Variants in POLQ observed in about 807,000 individuals in gnomAD.
POLQ encodes the protein DNA polymerase theta.
A neutral mutation model predicts 259.2 loss-of-function variants in POLQ; 233 were observed. That is an observed-to-expected ratio of 0.90 (90% CI 0.81 to 1.00). POLQ has a LOEUF of 1.00. Ranked by LOEUF, POLQ falls within the 50% of genes least tolerant of loss-of-function variation. The pLI is 0.00. For synonymous variants in POLQ, 1,025 were observed against 1,048.8 expected (o/e 0.98, Z 0.44); for missense variants, 2,871 against 3,051.6 (o/e 0.94, Z 1.39).
chr3:121,485,017 CT>C, intron 17 of POLQ, 23 bp downstream of exon 17: 1 of 1,572,334 alleles, frequency 6.4e-7, no homozygotes, highest in Non-Finnish European at 8.6e-7. Context: ...TACATAGTGA[CT>C]TAGCCAAATA....
rs778348079 is a variant in POLQ at position 121,436,119 on chromosome 3, A to C, written c.7543+3T>G. 72 of 1,612,118 alleles carry C rather than the reference A, an allele frequency of 4.5e-5. No homozygotes were observed. The highest frequency in any genetic ancestry group is 5.9e-5 in the Non-Finnish European group (70 of 1,178,226). ...ACAGCACAGGCCTCATCTATGAACA[A>C]ACCTGTTTGGTCACTTTGGAGCATA... is the stretch of plus-strand genomic sequence containing the variant. On this transcript the variant is annotated splice_donor_region_variant and intron_variant, in intron 28 of 29. Coordinates refer to ENST00000264233, the MANE Select transcript of POLQ (RefSeq NM_199420.4).
At chr3:121,473,899 G>C (rs995633533) in intron 20 of POLQ, among the ~76,000 whole-genome samples, 5 of 151,830 alleles carry the variant, frequency 3.3e-5, no homozygotes, top group African/African-American at 4.8e-5. Flanking sequence ...CCTAATTTTT[G>C]TATCTTTGGT....
chr3:121,532,930 C>T lies in POLQ; in HGVS notation c.960+60G>A, dbSNP rs547751621. The T allele has an allele frequency of 1.1e-3, 1,224 of 1,071,448 alleles. 2 individuals carry two copies. Among genetic ancestry groups the T allele is most frequent in the Non-Finnish European group, 1.6e-3 (1,159 of 726,866 alleles). The allele number at this position is 1,071,448 out of a possible 1,614,324, so 66.4% of individuals were successfully genotyped here. A position where few individuals can be genotyped will look rare whatever the true frequency, so the allele number is the denominator to read the frequency against. ...TCATTCAGAATTTGTTAGCAATTTG[C>T]TAGAAAATGAAATCAAACACACAGA... On this transcript the variant is annotated intron_variant, in intron 6 of 29. Coordinates refer to ENST00000264233, the MANE Select transcript of POLQ (RefSeq NM_199420.4).
intron 23 of POLQ, among the ~76,000 whole-genome samples, chr3:121,467,963 G>T (rs2047852329): frequency 6.6e-6 from 1 of 152,166 alleles, no homozygotes; most frequent in African/African-American, 2.4e-5. Flanking sequence ...AGCCCAGGAG[G>T]TGGAGGTTGC....
intron 25 of POLQ, among the ~76,000 whole-genome samples, chr3:121,450,327 AC>A (rs1199586779): frequency 6.6e-6 from 1 of 151,194 alleles, no homozygotes; most frequent in Non-Finnish European, 1.5e-5. Context: ...GTCTACCCCC[AC>A]CCCCAAGTTT....
At chr3:121,526,271 G>T (rs1162278726) in intron 7 of POLQ, among the ~76,000 whole-genome samples, 1 of 152,164 alleles carries the variant, frequency 6.6e-6, no homozygotes, top group Non-Finnish European at 1.5e-5. Context: ...TCGATGAAAC[G>T]AATCCAGAGA....
chr3:121,545,610 A>G (rs1030335199), intron 1 of POLQ, 105 bp downstream of exon 1: 2 of 1,095,944 alleles, frequency 1.8e-6, no homozygotes, highest in Non-Finnish European at 1.3e-6. Context: ...TAGAAGCCCA[A>G]TGGGGTATGC....
intron 7 of POLQ, among the ~76,000 whole-genome samples, chr3:121,525,411 A>G (rs2048366270): frequency 6.6e-6 from 1 of 152,092 alleles, no homozygotes; most frequent in Non-Finnish European, 1.5e-5. Context: ...GATCATCATA[A>G]AAGTCTCCAT....
intron 25 of POLQ, among the ~76,000 whole-genome samples, chr3:121,459,369 ATTTTT>A (rs58859161): frequency 1.9e-5 from 2 of 104,760 alleles, no homozygotes; most frequent in East Asian, 3.5e-4. Context: ...GACTAGAAAG[ATTTTT>A]TTTTTTTTTT....
rs963126276 is a variant in POLQ at position 121,493,671 on chromosome 3, G to C, written c.2329C>G (p.Leu777Val). ...NRLGWHNMEL[L>V]LSQFQKRLTF... ...AGACGCTTCTGAAATTGGGAAAGTA[G>C]TAGTTCCATGTTGTGCCAGCCCAGA... Residue 777 changes from leucine to valine, a missense_variant, in exon 15 of 30, where the codon CTA becomes GTA. Leu to Val is a conservative substitution (Grantham distance 32). Transcript: ENST00000264233. 3.7e-6 allele frequency: 6 copies of C among 1,613,684 alleles called. No homozygotes were observed. In the South Asian group the frequency reaches 6.6e-5, roughly 18 times the overall value.
chr3:121,544,100 A>T (rs1179871631), intron 2 of POLQ, among the ~76,000 whole-genome samples: 1 of 152,214 alleles, frequency 6.6e-6, no homozygotes, highest in Admixed American at 6.5e-5. Context: ...CACACCTATA[A>T]TCCCAGCACT....
chr3:121,522,856 C>T (rs970220011), intron 7 of POLQ, among the ~76,000 whole-genome samples: 1 of 152,192 alleles, frequency 6.6e-6, no homozygotes, highest in African/African-American at 2.4e-5. Flanking sequence ...AAAACCCTTG[C>T]TCAAGGTGTG....
At chr3:121,485,467 C>T (rs1203141126) in intron 16 of POLQ, among the ~76,000 whole-genome samples, 1 of 152,078 alleles carries the variant, frequency 6.6e-6, no homozygotes, top group East Asian at 1.9e-4. Flanking sequence ...ATAACTCAAA[C>T]AAAAATACAG....
rs1360533388 is a variant in POLQ, at chr3:121,431,546, G to C, written c.*758C>G. 1.3e-5 allele frequency: 2 copies of C among 152,392 alleles called. No homozygotes were observed. The highest frequency in any genetic ancestry group is 1.3e-4 in the Admixed American group (2 of 15,266). 9.4% of individuals were successfully genotyped at this position (152,392 alleles called of 1,614,324 possible). On this transcript the variant is annotated 3_prime_UTR_variant, in exon 30 of 30. Coordinates refer to ENST00000264233, the MANE Select transcript of POLQ (RefSeq NM_199420.4). The stretch of plus-strand genomic sequence containing the variant: ...TTTCTCACCATGCCACAAACAGAAA[G>C]AGGCACTAAGGGACTGATAAGGGGG...
chr3:121,536,006 TGTG>T lies in POLQ; in HGVS notation c.740+1091_740+1093del, dbSNP rs1236571317. On this transcript the variant is annotated intron_variant, in intron 5 of 29. Coordinates refer to ENST00000264233, the MANE Select transcript of POLQ (RefSeq NM_199420.4). ...AGAAGATGACTGGCAGAATAGCAAATGTGGTAGAATACACAACTGGGGAGGAGG... is the reference window on the plus strand; with the variant it reads ...AGAAGATGACTGGCAGAATAGCAAATGTAGAATACACAACTGGGGAGGAGG... Among the ~76,000 whole-genome samples, 8 of 152,200 alleles carry T rather than the reference TGTG, an allele frequency of 5.3e-5. No homozygotes were observed. The South Asian group carries it at 1.7e-3, about 32-fold the overall frequency.
intron 26 of POLQ, among the ~76,000 whole-genome samples, chr3:121,443,669 G>C (rs564011770): frequency 6.6e-6 from 1 of 152,032 alleles, no homozygotes; most frequent in Non-Finnish European, 1.5e-5. Flanking sequence ...AGAAATCTTT[G>C]CCCAGACTGA....
intron 12 of POLQ, among the ~76,000 whole-genome samples, chr3:121,501,685 A>G (rs1437218333): frequency 6.8e-6 from 1 of 146,626 alleles, no homozygotes; most frequent in Admixed American, 6.8e-5. Context: ...AAAAAAAAAA[A>G]AAAAGAAATG....
chr3:121,518,921 C>T (rs773491641), intron 9 of POLQ, among the ~76,000 whole-genome samples: 9 of 152,002 alleles, frequency 5.9e-5, no homozygotes, highest in Non-Finnish European at 1.3e-4. Context: ...TGATACAGCA[C>T]GTTAGAAATA....
intron 7 of POLQ, among the ~76,000 whole-genome samples, chr3:121,524,657 AT>A (rs1284097186): frequency 6.6e-6 from 1 of 152,072 alleles, no homozygotes; most frequent in Non-Finnish European, 1.5e-5. Context: ...TTTACGTGGA[AT>A]TTTTAGAAAA....
Sources: gnomAD v4.1 joint callset for allele counts (sites outside exome capture counted in the v4.1 genomes callset) on GRCh38, gnomAD v4.1.1 for gene constraint, MANE v1.5 for transcripts, NCBI Gene and HGNC (gene_info 2026-07-23, HGNC 2026-07-21) for gene names.